Variants in DNM3 observed in about 807,000 individuals in gnomAD.
DNM3 encodes the protein dynamin 3.
DNM3 carries 47 observed loss-of-function variants against 101.6 expected under a neutral mutation model. The observed-to-expected ratio is 0.46, with a 90% CI of 0.37 to 0.59. The LOEUF is 0.59. Ranked by LOEUF, DNM3 falls within the 20% of genes least tolerant of loss-of-function variation. DNM3 has a pLI of 0.00. For synonymous variants in DNM3, 385 were observed against 387.9 expected (o/e 0.99, Z 0.09); for missense variants, 849 against 1,085.7 (o/e 0.78, Z 3.06).
intron 2 of DNM3, among the ~76,000 whole-genome samples, chr1:171,964,774 G>T (rs756451619): frequency 4.6e-5 from 7 of 152,028 alleles, no homozygotes; most frequent in Non-Finnish European, 5.9e-5. Context: ...TAACCAGAAA[G>T]TCGAATAAAC....
chr1:172,399,012 G>T (rs1043975265), intron 20 of DNM3, among the ~76,000 whole-genome samples: 1 of 152,040 alleles, frequency 6.6e-6, no homozygotes, highest in African/African-American at 2.4e-5. Flanking sequence ...CTACAACACT[G>T]TCCAAAATGG....
At chr1:172,089,310 C>T (rs2053750904) in intron 12 of DNM3, among the ~76,000 whole-genome samples, 1 of 152,116 alleles carries the variant, frequency 6.6e-6, no homozygotes, top group Admixed American at 6.5e-5. Context: ...AGTTCGTGCC[C>T]TATAGTTTTT....
intron 10 of DNM3, among the ~76,000 whole-genome samples, chr1:172,066,838 G>C (rs545654886): frequency 1.3e-5 from 2 of 152,044 alleles, no homozygotes; most frequent in Non-Finnish European, 2.9e-5. Flanking sequence ...GTAGTTTATA[G>C]TTTGTTTATC....
At chr1:172,014,626 C>A (rs935957319) in intron 4 of DNM3, among the ~76,000 whole-genome samples, 21 of 152,076 alleles carry the variant, frequency 1.4e-4, no homozygotes, top group Non-Finnish European at 1.0e-4. Flanking sequence ...GTATTTTTCT[C>A]ATTTTTTAAT....
intron 12 of DNM3, among the ~76,000 whole-genome samples, chr1:172,088,663 C>T (rs2053698148): frequency 6.6e-6 from 1 of 152,134 alleles, no homozygotes; most frequent in African/African-American, 2.4e-5. Flanking sequence ...TTGCTAATAC[C>T]AGTCTATTCT....
At chr1:172,030,880 A>T (rs2048554009) in intron 4 of DNM3, among the ~76,000 whole-genome samples, 2 of 152,212 alleles carry the variant, frequency 1.3e-5, no homozygotes, top group Non-Finnish European at 2.9e-5. Flanking sequence ...TAGAATGGCG[A>T]TCATTAAAGA....
At chr1:172,215,078 A>G (rs1021546891) in intron 14 of DNM3, among the ~76,000 whole-genome samples, 1 of 152,170 alleles carries the variant, frequency 6.6e-6, no homozygotes, top group Non-Finnish European at 1.5e-5. Context: ...AAGTAAGCAC[A>G]TTTAAACCTA....
intron 14 of DNM3, among the ~76,000 whole-genome samples, chr1:172,196,677 T>C (rs777209720): frequency 6.6e-6 from 1 of 152,078 alleles, no homozygotes; most frequent in Non-Finnish European, 1.5e-5. Context: ...CCTTTTTTTA[T>C]ATGTTTATTG....
chr1:172,193,223 G>A (rs762825685), intron 14 of DNM3, among the ~76,000 whole-genome samples: 28 of 152,058 alleles, frequency 1.8e-4, no homozygotes, highest in Non-Finnish European at 3.8e-4. Context: ...AAAAGTGGGG[G>A]TGGATAAGCT....
intron 14 of DNM3, among the ~76,000 whole-genome samples, chr1:172,251,637 TTCACGATATGC>T (rs1401487966): frequency 6.6e-6 from 1 of 152,144 alleles, no homozygotes; most frequent in Admixed American, 6.6e-5. Context: ...AGTTTTGGTC[TTCACGATATGC>T]TAAAGAATGC....
intron 1 of DNM3, among the ~76,000 whole-genome samples, chr1:171,912,758 T>C (rs192713620): frequency 1.3e-5 from 2 of 152,318 alleles, no homozygotes; most frequent in East Asian, 3.9e-4. Flanking sequence ...GAAATGCAGA[T>C]TGATTTGTCT....
At position 172,408,565 on chromosome 1, in the gene DNM3, T is replaced by C. The variant is rs962572772; in HGVS notation, c.*724T>C. The C allele has an allele frequency of 7.1e-6, 7 of 985,184 alleles. No individual in the cohort carries two copies. Among genetic ancestry groups the C allele is most frequent in the Middle Eastern group, 5.2e-4 (1 of 1,936 alleles). 61.0% of individuals were successfully genotyped at this position (985,184 alleles called of 1,614,324 possible). A position where few individuals can be genotyped will look rare whatever the true frequency, so the allele number is the denominator to read the frequency against. On this transcript the variant is annotated 3_prime_UTR_variant, in exon 21 of 21. Coordinates refer to ENST00000627582, the MANE Select transcript of DNM3 (RefSeq NM_015569.5). ...AAATTTGGCTAATTAGTTTCAGAGT[T>C]CAAGGAAGAAGCAAAATATCACATC... is the stretch of plus-strand genomic sequence containing the variant.
chr1:172,068,433 C>T (rs557166113), intron 10 of DNM3, among the ~76,000 whole-genome samples: 54 of 152,238 alleles, frequency 3.5e-4, no homozygotes, highest in African/African-American at 1.2e-3. Context: ...AAGTTCTTAG[C>T]GCCTGACACG....
intron 1 of DNM3, among the ~76,000 whole-genome samples, chr1:171,891,685 G>A (rs540981565): frequency 2.0e-5 from 3 of 152,056 alleles, no homozygotes; most frequent in Non-Finnish European, 4.4e-5. Context: ...CCTCTTAATT[G>A]AGATTTCTCT....
chr1:171,919,548 T>A (rs2039992885), intron 1 of DNM3, among the ~76,000 whole-genome samples: 1 of 152,188 alleles, frequency 6.6e-6, no homozygotes. Flanking sequence ...TCTGGAGTTT[T>A]GCTTTTTTCC....
intron 14 of DNM3, among the ~76,000 whole-genome samples, chr1:172,219,287 C>T (rs1343591500): frequency 2.0e-5 from 3 of 148,032 alleles, no homozygotes; most frequent in African/African-American, 2.5e-5. Context: ...GCTTGAACCC[C>T]GAAGGTCAAG....
At chr1:171,887,459 T>C (rs2036876844) in intron 1 of DNM3, among the ~76,000 whole-genome samples, 1 of 152,218 alleles carries the variant, frequency 6.6e-6, no homozygotes, top group Non-Finnish European at 1.5e-5. Context: ...TTCCATAGTT[T>C]TCATGGATGC....
intron 1 of DNM3, among the ~76,000 whole-genome samples, chr1:171,913,798 T>C (rs998867154): frequency 1.3e-5 from 2 of 149,692 alleles, no homozygotes; most frequent in Non-Finnish European, 3.0e-5. Flanking sequence ...GGTGCACAGA[T>C]TTTTTTTTTA....
chr1:172,220,902 A>G (rs1258370989), intron 14 of DNM3, among the ~76,000 whole-genome samples: 1 of 152,196 alleles, frequency 6.6e-6, no homozygotes, highest in African/African-American at 2.4e-5. Flanking sequence ...TTAAAAATAC[A>G]TGTATTGTTC....
Sources: gnomAD v4.1 joint callset for allele counts (sites outside exome capture counted in the v4.1 genomes callset) on GRCh38, gnomAD v4.1.1 for gene constraint, MANE v1.5 for transcripts, NCBI Gene and HGNC (gene_info 2026-07-23, HGNC 2026-07-21) for gene names.